C4BPA: variants seen among roughly 807,000 people sequenced by gnomAD.
C4BPA encodes complement component 4 binding protein alpha.
In C4BPA, 31 loss-of-function variants were observed where a neutral mutation model predicts 63.7. The ratio of observed to expected loss-of-function variants is 0.49; its 90% CI spans 0.37 to 0.66. The LOEUF (loss-of-function observed/expected upper bound fraction) is 0.66. Ranked by LOEUF, C4BPA falls within the 30% of genes least tolerant of loss-of-function variation. The pLI, the probability that C4BPA is intolerant of heterozygous loss-of-function variation, is 0.00. For synonymous variants in C4BPA, 259 were observed against 254.7 expected (o/e 1.02, Z -0.16); for missense variants, 572 against 723.3 (o/e 0.79, Z 2.40).
intron 7 of C4BPA, among the ~76,000 whole-genome samples, chr1:207,131,241 T>C (rs902310319): frequency 6.6e-6 from 1 of 152,240 alleles, no homozygotes; most frequent in Non-Finnish European, 1.5e-5. Flanking sequence ...TTTCCTGCCA[T>C]GCTTCAGTTC....
intron 1 of C4BPA, among the ~76,000 whole-genome samples, chr1:207,111,930 AATTTTTT>A (rs1168113774): frequency 6.6e-6 from 1 of 152,142 alleles, no homozygotes; most frequent in African/African-American, 2.4e-5. Flanking sequence ...TTCTTTTCTT[AATTTTTT>A]ATTTTTATAG....
In C4BPA at chr1:207,134,599, G is replaced by A. The variant is rs1685239950; in HGVS notation, c.1273+7G>A. The A allele has an allele frequency of 6.3e-7, 1 of 1,592,696 alleles. No individual in the cohort carries two copies. Among genetic ancestry groups the A allele is most frequent in the Non-Finnish European group, 8.6e-7 (1 of 1,165,702 alleles). On this transcript the variant is annotated splice_region_variant and intron_variant, in intron 9 of 11. Coordinates refer to ENST00000367070, the MANE Select transcript of C4BPA (RefSeq NM_000715.4). ...ACACCATCATGTGGAGACAGTAAGA[G>A]TTCATAGAATTATCTTATTCTGGGA...
chr1:207,118,047 C>G (rs971503398), intron 4 of C4BPA, among the ~76,000 whole-genome samples: 1 of 151,984 alleles, frequency 6.6e-6, no homozygotes, highest in African/African-American at 2.4e-5. Flanking sequence ...CTGGCAAAAC[C>G]AAACAAAAAA....
intron 10 of C4BPA, among the ~76,000 whole-genome samples, chr1:207,141,588 C>T (rs1685416693): frequency 6.6e-6 from 1 of 152,108 alleles, no homozygotes; most frequent in South Asian, 2.1e-4. Flanking sequence ...TGGCCTGTGG[C>T]AAAGTTTCCA....
At chr1:207,141,384 TG>T in intron 10 of C4BPA, 108 bp downstream of exon 10, 1 of 821,712 alleles carries the variant, frequency 1.2e-6, no homozygotes. Flanking sequence ...ACATTTGATT[TG>T]ATTTATATTA....
At position 207,115,534 on chromosome 1, in the gene C4BPA, A is replaced by G. The variant is rs565238255; in HGVS notation, c.428+19A>G. On this transcript the variant is annotated intron_variant, in intron 4 of 11. Transcript: ENST00000367070. ...CAGAAGGGTGAGTGTGAGGTAATCTATGAACAATTCTTTTATATTTATTTA... is the reference window on the plus strand; with the variant it reads ...CAGAAGGGTGAGTGTGAGGTAATCTGTGAACAATTCTTTTATATTTATTTA... 1.5e-5 allele frequency: 19 copies of G among 1,286,732 alleles called. No individual in the cohort carries two copies. The East Asian group carries it at 3.3e-4, about 22-fold the overall frequency. The allele number at this position is 1,286,732 out of a possible 1,614,324, so 79.7% of individuals were successfully genotyped here. A position where few individuals can be genotyped will look rare whatever the true frequency, so the allele number is the denominator to read the frequency against.
rs201495889 is a variant in C4BPA at position 207,126,846 on chromosome 1, T to C, written c.840T>C (p.His280=). The change falls in exon 7 of 12, where the codon CAT becomes CAC. Residue 280 remains histidine (H), a synonymous_variant. Transcript: ENST00000367070. The part of the protein sequence containing the change: ...GFVLRGSSVI[H]CDADSKWNPS... ...TTCTCAGAGGCAGCAGTGTAATTCATTGTGATGCTGATAGCAAATGGAATC... is the reference window on the plus strand; with the variant it reads ...TTCTCAGAGGCAGCAGTGTAATTCACTGTGATGCTGATAGCAAATGGAATC... 50 of 1,613,376 alleles carry C rather than the reference T, an allele frequency of 3.1e-5. No individual in the cohort carries two copies. The East Asian group carries it at 9.1e-4, about 30-fold the overall frequency.
chr1:207,132,126 G>A (rs1685173241), intron 8 of C4BPA, among the ~76,000 whole-genome samples: 1 of 152,170 alleles, frequency 6.6e-6, no homozygotes, highest in Admixed American at 6.6e-5. Flanking sequence ...ACAAGTTTGT[G>A]AAACAGTCAT....
intron 1 of C4BPA, among the ~76,000 whole-genome samples, chr1:207,111,826 A>T (rs927278081): frequency 6.6e-5 from 10 of 152,218 alleles, no homozygotes; most frequent in Non-Finnish European, 1.3e-4. Context: ...AACCATCTGG[A>T]TCTAACAAAG....
chr1:207,136,445 G>T (rs1159766482), intron 9 of C4BPA, among the ~76,000 whole-genome samples: 1 of 152,236 alleles, frequency 6.6e-6, no homozygotes, highest in East Asian at 1.9e-4. Context: ...TCCTACCCCA[G>T]ATCTCTTTGT....
rs376128013 is a variant in C4BPA at position 207,119,847 on chromosome 1, CG to C, written c.429-4074del. Among the ~76,000 whole-genome samples, 14 of 29,094 alleles carry C rather than the reference CG, an allele frequency of 4.8e-4. 2 individuals carry two copies. Among genetic ancestry groups the C allele is most frequent in the Non-Finnish European group, 1.3e-3 (10 of 7,918 alleles). 19.1% of individuals were successfully genotyped at this position (29,094 alleles called of 152,430 possible). A position where few individuals can be genotyped will look rare whatever the true frequency, so the allele number is the denominator to read the frequency against. ...ATGTGGTTGTAGCAGATATTTATAA[CG>C]ATGTTTCTGTTACTTATTCCATATT... On this transcript the variant is annotated intron_variant, in intron 4 of 11. Coordinates refer to ENST00000367070, the MANE Select transcript of C4BPA (RefSeq NM_000715.4).
At position 207,141,178 on chromosome 1, in the gene C4BPA, A is replaced by T. The variant is rs1274971250; in HGVS notation, c.1346A>T (p.Glu449Val). The T allele has an allele frequency of 6.2e-7, 1 of 1,613,628 alleles. No individual in the cohort carries two copies. Among genetic ancestry groups the T allele is most frequent in the Admixed American group, 1.7e-5 (1 of 60,006 alleles). Residue 449 changes from glutamate to valine, a missense_variant, in exon 10 of 12, where the codon GAG becomes GTG. Glu to Val is a moderately radical substitution (Grantham distance 121). Coordinates refer to ENST00000367070, the MANE Select transcript of C4BPA (RefSeq NM_000715.4). The stretch of plus-strand genomic sequence containing the variant: ...AGTTCATACAGCTTTTTCAAAGAAG[A>T]GATTATATATGAATGTGATAAAGGC... ...QSSSYSFFKE[E>V]IIYECDKGYI...
intron 2 of C4BPA, among the ~76,000 whole-genome samples, chr1:207,113,775 A>G (rs1684720167): frequency 6.6e-6 from 1 of 152,196 alleles, no homozygotes; most frequent in Non-Finnish European, 1.5e-5. Context: ...GAGTCAGCAG[A>G]TATGGGGAGT....
intron 1 of C4BPA, among the ~76,000 whole-genome samples, chr1:207,106,886 A>G (rs1472373576): frequency 6.6e-6 from 1 of 152,256 alleles, no homozygotes; most frequent in Non-Finnish European, 1.5e-5. Flanking sequence ...TCTGCGTGAT[A>G]AAACTGACCT....
chr1:207,112,650 C>T (rs1375843253), intron 1 of C4BPA, among the ~76,000 whole-genome samples: 1 of 152,168 alleles, frequency 6.6e-6, no homozygotes, highest in South Asian at 2.1e-4. Context: ...TGTAAACTGT[C>T]CCTTCCCCAT....
At chr1:207,137,956 T>C (rs890938767) in intron 9 of C4BPA, among the ~76,000 whole-genome samples, 1 of 152,142 alleles carries the variant, frequency 6.6e-6, no homozygotes, top group Non-Finnish European at 1.5e-5. Flanking sequence ...TGTGTTGGTG[T>C]TAATGTTGGA....
chr1:207,140,292 C>T (rs1039903030), intron 9 of C4BPA, among the ~76,000 whole-genome samples: 3 of 152,192 alleles, frequency 2.0e-5, no homozygotes, highest in Non-Finnish European at 4.4e-5. Flanking sequence ...GTGCGTTTTT[C>T]AGTGTACACA....
intron 8 of C4BPA, 22 bp from the exon 9 acceptor site, chr1:207,134,382 C>A: frequency 6.3e-7 from 1 of 1,582,846 alleles, no homozygotes; most frequent in Non-Finnish European, 8.6e-7. Context: ...ACTAACCATG[C>A]ACCTCACATT....
At position 207,144,550 on chromosome 1, in the gene C4BPA, C is replaced by T. The variant is rs1558100086; in HGVS notation, c.1627C>T (p.Pro543Ser). 3.1e-6 allele frequency: 5 copies of T among 1,608,576 alleles called. No individual in the cohort carries two copies. Among genetic ancestry groups the T allele is most frequent in the Non-Finnish European group, 4.2e-6 (5 of 1,178,130 alleles). Residue 543 changes from proline (P) to serine (S), a missense_variant, in exon 12 of 12, where the codon CCC becomes TCC. This residue lies in a region of C4BPA where 465 missense variants were observed against 629.4 expected (regional missense o/e 0.74). Coordinates refer to ENST00000367070, the MANE Select transcript of C4BPA (RefSeq NM_000715.4). ...PEVPKCEWET[P>S]EGCEQVLTGK... ...CACCACTTATATCTTTTAGGAGACCCCCGAAGGCTGTGAACAAGTGCTCAC... is the reference window on the plus strand; with the variant it reads ...CACCACTTATATCTTTTAGGAGACCTCCGAAGGCTGTGAACAAGTGCTCAC...
Sources: gnomAD v4.1 joint callset for allele counts (sites outside exome capture counted in the v4.1 genomes callset) on GRCh38, gnomAD v4.1.1 for gene constraint, gnomAD v4.1.1 regional missense constraint, MANE v1.5 for transcripts, NCBI Gene and HGNC (gene_info 2026-07-23, HGNC 2026-07-21) for gene names.